Variants in SLC38A9 observed in about 807,000 individuals in gnomAD.
The protein encoded by SLC38A9 is solute carrier family 38 member 9, also known as neutral amino acid transporter 9.
In SLC38A9, 48 loss-of-function variants were observed where a neutral mutation model predicts 62.3. The ratio of observed to expected loss-of-function variants is 0.77; its 90% CI spans 0.61 to 0.98. The LOEUF is 0.98. Among genes scored for constraint, SLC38A9 ranks in the 50% least tolerant of loss-of-function variants. The pLI, the probability that SLC38A9 is intolerant of heterozygous loss-of-function variation, is 0.00. For missense variants in SLC38A9, 541 were observed against 679.8 expected, an observed-to-expected ratio of 0.80 and a Z score of 2.27; for synonymous variants, 204 against 227.7, an observed-to-expected ratio of 0.90 and a Z score of 0.94.
At chr5:55,691,078 T>G (rs1025187363) in intron 3 of SLC38A9, 35 of 674,312 alleles carry the variant, frequency 5.2e-5, no homozygotes, top group Admixed American at 1.1e-4. Context: ...ATACCTAGGT[T>G]GTTTGAAGGG....
intron 3 of SLC38A9, chr5:55,691,221 G>A (rs1282359568): frequency 2.0e-6 from 2 of 1,012,872 alleles, no homozygotes; most frequent in South Asian, 2.7e-5. Context: ...AAATAGCCAT[G>A]GAAATGTAAT....
intron 3 of SLC38A9, among the ~76,000 whole-genome samples, chr5:55,682,505 T>C (rs991973345): frequency 6.6e-6 from 1 of 152,178 alleles, no homozygotes; most frequent in Non-Finnish European, 1.5e-5. Flanking sequence ...AATATATACA[T>C]GTATAGGCTG....
chr5:55,642,527 A>G (rs1008285288), intron 12 of SLC38A9, among the ~76,000 whole-genome samples: 3 of 152,166 alleles, frequency 2.0e-5, no homozygotes, highest in African/African-American at 7.2e-5. Flanking sequence ...AGCTTTATGG[A>G]TAGGATCATC....
Position 55,645,805 on chromosome 5 carries a change from T to C in SLC38A9, c.1151A>G (p.Lys384Arg), listed in dbSNP as rs766545110. 1.9e-6 allele frequency: 3 copies of C among 1,606,138 alleles called. No individual in the cohort carries two copies. The East Asian group carries it at 6.7e-5, about 36-fold the overall frequency. The change falls in exon 12 of 16, where the codon AAG becomes AGG. Residue 384 changes from lysine to arginine, a missense_variant. Transcript: ENST00000396865. Reference protein sequence around the residue: ...NCIITLLKNNKKQENNVRDLC... With the variant: ...NCIITLLKNNRKQENNVRDLC... ...ATTACTCACATTGTTTTCTTGTTTC[T>C]TGTTGTTCTTCAAGAGTGTGATGAT...
chr5:55,626,744 T>G, intron 15 of SLC38A9, 85 bp from the exon 16 acceptor site: 1 of 1,242,536 alleles, frequency 8.0e-7, no homozygotes, highest in Non-Finnish European at 1.1e-6. Context: ...ATTTAAATCC[T>G]CCTCAGTCTG....
intron 9 of SLC38A9, among the ~76,000 whole-genome samples, chr5:55,654,779 TAA>T (rs1050285626): frequency 2.0e-5 from 3 of 152,170 alleles, no homozygotes; most frequent in Non-Finnish European, 2.9e-5. Flanking sequence ...AAGGTTGCTA[TAA>T]AACATTTAAT....
At chr5:55,705,064 C>G (rs146064357) in intron 2 of SLC38A9, among the ~76,000 whole-genome samples, 1 of 152,134 alleles carries the variant, frequency 6.6e-6, no homozygotes, top group Admixed American at 6.5e-5. Flanking sequence ...CAAGAAGAAA[C>G]TTTTTTTAAA....
intron 3 of SLC38A9, among the ~76,000 whole-genome samples, chr5:55,674,597 C>T (rs1198483132): frequency 6.6e-6 from 1 of 152,198 alleles, no homozygotes; most frequent in Non-Finnish European, 1.5e-5. Context: ...TGACCTTGGA[C>T]TTCCCAGTCT....
intron 3 of SLC38A9, among the ~76,000 whole-genome samples, chr5:55,697,550 G>A (rs1006808106): frequency 4.0e-5 from 6 of 150,246 alleles, no homozygotes; most frequent in South Asian, 2.1e-4. Flanking sequence ...ATTACCTTGC[G>A]CAAAGTGGGT....
intron 2 of SLC38A9, among the ~76,000 whole-genome samples, chr5:55,698,620 G>C (rs769441107): frequency 3.3e-5 from 5 of 152,212 alleles, no homozygotes; most frequent in African/African-American, 4.8e-5. Flanking sequence ...TCCCTCACAA[G>C]GGAACTACAA....
At chr5:55,700,628 G>C (rs185908687) in intron 2 of SLC38A9, among the ~76,000 whole-genome samples, 1 of 152,246 alleles carries the variant, frequency 6.6e-6, no homozygotes, top group African/African-American at 2.4e-5. Context: ...GAAAGCACAA[G>C]ATAAATAAGA....
At chr5:55,658,768 C>G (rs572984636) in intron 8 of SLC38A9, among the ~76,000 whole-genome samples, 16 of 152,122 alleles carry the variant, frequency 1.1e-4, no homozygotes, top group African/African-American at 3.9e-4. Context: ...GGTTCATGGA[C>G]AGCATGAAAA....
intron 8 of SLC38A9, chr5:55,664,444 T>G (rs1390249300): frequency 4.9e-6 from 1 of 204,704 alleles, no homozygotes; most frequent in Non-Finnish European, 9.7e-6. Flanking sequence ...ATTATAGACA[T>G]ATTTTATTTT....
At chr5:55,654,040 T>C (rs1276747319) in intron 9 of SLC38A9, among the ~76,000 whole-genome samples, 2 of 152,206 alleles carry the variant, frequency 1.3e-5, no homozygotes, top group Non-Finnish European at 1.5e-5. Context: ...TCATTGTTTC[T>C]AATGTCACAG....
chr5:55,644,888 C>T (rs185808568), intron 12 of SLC38A9, among the ~76,000 whole-genome samples: 1 of 151,462 alleles, frequency 6.6e-6, no homozygotes, highest in East Asian at 2.0e-4. Context: ...CCACAACAGT[C>T]CCCAGAGTGT....
In SLC38A9 at chr5:55,650,870, C is replaced by A. The variant is rs549620208; in HGVS notation, c.953-1556G>T. Among the ~76,000 whole-genome samples, 259 of 152,316 alleles carry A rather than the reference C, an allele frequency of 1.7e-3. 3 individuals carry two copies. The highest frequency in any genetic ancestry group is 6.8e-4 in the Non-Finnish European group (46 of 68,016). Reference sequence around the variant, plus strand: ...GCAATGGCATGATCTCGGCTCACTGCAACCTCCGCCTCCTGGGTTTAAGCA... The same window carrying A: ...GCAATGGCATGATCTCGGCTCACTGAAACCTCCGCCTCCTGGGTTTAAGCA... On this transcript the variant is annotated intron_variant, in intron 10 of 15. Coordinates refer to ENST00000396865, the MANE Select transcript of SLC38A9 (RefSeq NM_173514.4).
At chr5:55,702,606 AT>A (rs1314426391) in intron 2 of SLC38A9, 4 of 152,010 alleles carry the variant, frequency 2.6e-5, no homozygotes, top group Admixed American at 2.6e-4. Flanking sequence ...ATGTATTATC[AT>A]TTCCATCAAA....
intron 7 of SLC38A9, among the ~76,000 whole-genome samples, chr5:55,668,459 C>T (rs1026525746): frequency 6.6e-6 from 1 of 152,134 alleles, no homozygotes; most frequent in African/African-American, 2.4e-5. Context: ...CCCCAAACTC[C>T]TGGGCTAAAG....
chr5:55,626,696 T>G, intron 15 of SLC38A9, 37 bp from the exon 16 acceptor site: 2 of 1,539,970 alleles, frequency 1.3e-6, no homozygotes, highest in Non-Finnish European at 1.7e-6. Context: ...ATATTCATCT[T>G]GCACTTTGCT....
Sources: gnomAD v4.1 joint callset for allele counts (sites outside exome capture counted in the v4.1 genomes callset) on GRCh38, gnomAD v4.1.1 for gene constraint, MANE v1.5 for transcripts, NCBI Gene and HGNC (gene_info 2026-07-23, HGNC 2026-07-21) for gene names.